MSI2: variants seen among roughly 807,000 people sequenced by gnomAD.
The protein encoded by MSI2 is RNA-binding protein Musashi homolog 2.
MSI2 carries 17 observed loss-of-function variants against 45.6 expected under a neutral mutation model. The observed-to-expected ratio is 0.37, with a 90% CI of 0.26 to 0.56. MSI2 has a LOEUF of 0.56. MSI2 is among the 20% of genes least tolerant of loss of function. The pLI, the probability that MSI2 is intolerant of heterozygous loss-of-function variation, is 0.77. For missense variants in MSI2, 293 were observed against 444.2 expected, an observed-to-expected ratio of 0.66 and a Z score of 3.06; for synonymous variants, 156 against 158.2, an observed-to-expected ratio of 0.99 and a Z score of 0.11.
chr17:57,378,183 C>G (rs185360369), intron 5 of MSI2, among the ~76,000 whole-genome samples: 1 of 152,188 alleles, frequency 6.6e-6, no homozygotes, highest in East Asian at 1.9e-4. Flanking sequence ...CGCACACAAT[C>G]TTGGTTCACT....
At chr17:57,503,440 T>TA (rs2086159496) in intron 6 of MSI2, among the ~76,000 whole-genome samples, 1 of 152,254 alleles carries the variant, frequency 6.6e-6, no homozygotes, top group Non-Finnish European at 1.5e-5. Context: ...TCTTTGCTCA[T>TA]AGGCAGTTTC....
intron 6 of MSI2, among the ~76,000 whole-genome samples, chr17:57,411,096 T>G (rs2084187513): frequency 6.6e-6 from 1 of 152,204 alleles, no homozygotes; most frequent in Non-Finnish European, 1.5e-5. Flanking sequence ...CCTCAGTCTC[T>G]GGGGCTCAGG....
intron 5 of MSI2, among the ~76,000 whole-genome samples, chr17:57,320,001 C>T (rs534321867): frequency 2.0e-5 from 3 of 152,158 alleles, no homozygotes; most frequent in Non-Finnish European, 4.4e-5. Context: ...AATGAGTGAG[C>T]TGTGAGTCCC....
intron 5 of MSI2, among the ~76,000 whole-genome samples, chr17:57,352,330 G>A (rs1041854168): frequency 3.9e-5 from 6 of 152,306 alleles, no homozygotes; most frequent in South Asian, 2.1e-4. Flanking sequence ...ATCTGTGGCC[G>A]CCCTTCCTAT....
intron 6 of MSI2, among the ~76,000 whole-genome samples, chr17:57,501,793 A>G (rs1171375276): frequency 2.0e-5 from 3 of 152,236 alleles, no homozygotes; most frequent in African/African-American, 7.2e-5. Context: ...GCTCTTATAG[A>G]CACAGTCATT....
chr17:57,289,485 T>TA (rs34123893), intron 5 of MSI2, among the ~76,000 whole-genome samples: 115,756 of 149,022 alleles, frequency 0.78, 45,169 homozygotes, highest in Middle Eastern at 0.86. Flanking sequence ...ATGAATTCAT[T>TA]AAAAAAAAAA....
Position 57,569,741 on chromosome 17 carries a change from G to A in MSI2, c.455-27127G>A, listed in dbSNP as rs139729364. Among the ~76,000 whole-genome samples the A allele has an allele frequency of 5.9e-3, 903 of 152,288 alleles. 5 individuals carry two copies. Among genetic ancestry groups the A allele is most frequent in the African/African-American group, 0.021 (862 of 41,546 alleles). On this transcript the variant is annotated intron_variant, in intron 7 of 13. Coordinates refer to ENST00000284073, the MANE Select transcript of MSI2 (RefSeq NM_138962.4). ...TGGAAATTCCATGAGGATCTCACAG[G>A]GAAAACTGGACCCCGAATGAATTAA... is the stretch of plus-strand genomic sequence containing the variant.
At chr17:57,554,819 C>T (rs2087393394) in intron 7 of MSI2, among the ~76,000 whole-genome samples, 1 of 152,242 alleles carries the variant, frequency 6.6e-6, no homozygotes, top group Non-Finnish European at 1.5e-5. Flanking sequence ...GGCTATAAAG[C>T]CTGGGCTTTG....
At chr17:57,510,905 A>G (rs988670817) in intron 6 of MSI2, among the ~76,000 whole-genome samples, 2 of 152,212 alleles carry the variant, frequency 1.3e-5, no homozygotes, top group Admixed American at 1.3e-4. Flanking sequence ...CCCCAGGGCT[A>G]GCTCTTGTCC....
intron 5 of MSI2, among the ~76,000 whole-genome samples, chr17:57,389,065 G>A (rs150497606): frequency 0.034 from 5,030 of 147,454 alleles, 127 homozygotes; most frequent in Non-Finnish European, 0.049. Flanking sequence ...TGCAACCTCC[G>A]CCTCCCAGAT....
At chr17:57,401,580 T>G (rs1291671841) in intron 6 of MSI2, 109 bp downstream of exon 6, 2 of 794,668 alleles carry the variant, frequency 2.5e-6, no homozygotes, top group Non-Finnish European at 2.1e-6. Flanking sequence ...TCAAGAACCT[T>G]GTCCTTGAAC....
chr17:57,649,267 A>G (rs1404244063), intron 10 of MSI2, among the ~76,000 whole-genome samples: 1 of 152,090 alleles, frequency 6.6e-6, no homozygotes, highest in Non-Finnish European at 1.5e-5. Context: ...TACACCCAAC[A>G]CAGGTACACA....
At chr17:57,504,137 A>G (rs560693068) in intron 6 of MSI2, among the ~76,000 whole-genome samples, 14 of 151,896 alleles carry the variant, frequency 9.2e-5, no homozygotes, top group Non-Finnish European at 1.8e-4. Context: ...CTCCTCCTTC[A>G]TGATGCTGTG....
chr17:57,421,581 T>C (rs754074324), intron 6 of MSI2, among the ~76,000 whole-genome samples: 1 of 152,136 alleles, frequency 6.6e-6, no homozygotes, highest in South Asian at 2.1e-4. Context: ...CAGTATACTT[T>C]TACTGAGACA....
intron 7 of MSI2, chr17:57,531,823 C>T (rs1407371927): frequency 2.6e-5 from 4 of 152,050 alleles, no homozygotes; most frequent in African/African-American, 4.8e-5. Context: ...GGGTGAAGGC[C>T]CAGAGGATGT....
intron 8 of MSI2, among the ~76,000 whole-genome samples, chr17:57,606,691 T>G (rs1345353807): frequency 6.6e-6 from 1 of 152,156 alleles, no homozygotes; most frequent in Non-Finnish European, 1.5e-5. Flanking sequence ...TAATGTTTAT[T>G]TTTGGTTTAT....
chr17:57,652,292 G>A lies in MSI2; in HGVS notation c.790+131G>A, dbSNP rs1911218731. Reference sequence around the variant, plus strand: ...TCACCACAGCCCCGGGGAGGGGGTGGACGGGGAGGGGGTGGACCGGGAGGC... The same window carrying A: ...TCACCACAGCCCCGGGGAGGGGGTGAACGGGGAGGGGGTGGACCGGGAGGC... On this transcript the variant is annotated intron_variant, in intron 11 of 13. Transcript: ENST00000284073. The surrounding 1 kb of genome is among the most constrained non-coding windows in gnomAD (Gnocchi z 4.1). The A allele has an allele frequency of 3.1e-6, 3 of 960,602 alleles. No individual in the cohort carries two copies. In the Admixed American group the frequency reaches 6.4e-5, roughly 20 times the overall value. 59.5% of individuals were successfully genotyped at this position (960,602 alleles called of 1,614,324 possible). A position where few individuals can be genotyped will look rare whatever the true frequency, so the allele number is the denominator to read the frequency against.
upstream of MSI2, among the ~76,000 whole-genome samples, chr17:57,256,202 GC>G (rs1457318058): frequency 6.7e-6 from 1 of 149,528 alleles, no homozygotes; most frequent in East Asian, 2.0e-4. Context: ...CGATCCACCC[GC>G]CCCCCGCAGC....
At chr17:57,692,351 G>C in the MSI2 span, among the ~76,000 whole-genome samples, 14 of 151,984 alleles carry the variant, frequency 9.2e-5, no homozygotes, top group Non-Finnish European at 1.3e-4. Context: ...AAAATGAGTT[G>C]GGAAATAGTT....
Sources: gnomAD v4.1 joint callset for allele counts (sites outside exome capture counted in the v4.1 genomes callset) on GRCh38, gnomAD v4.1.1 for gene constraint, Gnocchi (gnomAD v3.1) non-coding constraint, MANE v1.5 for transcripts, NCBI Gene and HGNC (gene_info 2026-07-23, HGNC 2026-07-21) for gene names.